Variants in ANXA4 observed in about 807,000 individuals in gnomAD.
ANXA4 encodes the protein annexin A4.
Under a neutral mutation model 49.8 loss-of-function variants are expected in ANXA4, and 39 were observed. That is an observed-to-expected ratio of 0.78 (90% CI 0.61 to 1.02). The LOEUF (loss-of-function observed/expected upper bound fraction) is 1.02, where lower values mean the gene tolerates loss of function less well. Ranked by LOEUF, ANXA4 falls within the 50% of genes least tolerant of loss-of-function variation. The probability of loss-of-function intolerance (pLI) is 0.00; values close to 1 mark genes in which losing one functional copy is unlikely to be tolerated. For synonymous variants in ANXA4, 134 were observed against 152.5 expected (o/e 0.88, Z 0.89); for missense variants, 360 against 410.1 (o/e 0.88, Z 1.05).
chr2:69,807,571 G>A (rs1282830223), intron 5 of ANXA4, among the ~76,000 whole-genome samples: 1 of 152,170 alleles, frequency 6.6e-6, no homozygotes, highest in Non-Finnish European at 1.5e-5. Context: ...AAGCAAAGAG[G>A]TGACAAAGTC....
chr2:69,649,660 G>A (rs1474539795), intron 1 of ANXA4, among the ~76,000 whole-genome samples: 1 of 139,758 alleles, frequency 7.2e-6, no homozygotes, highest in Admixed American at 7.4e-5. Flanking sequence ...CGCCCAGGCT[G>A]GAGTGCAGTG....
intron 2 of ANXA4, among the ~76,000 whole-genome samples, chr2:69,663,430 A>G (rs1218079423): frequency 6.6e-6 from 1 of 151,154 alleles, no homozygotes; most frequent in Non-Finnish European, 1.5e-5. Context: ...TAACAGAGAA[A>G]ATGAAATGAG....
intron 1 of ANXA4, among the ~76,000 whole-genome samples, chr2:69,766,875 A>C (rs916085114): frequency 6.6e-6 from 1 of 152,104 alleles, no homozygotes; most frequent in East Asian, 1.9e-4. Context: ...GATGCGCTCT[A>C]AAGTCTTTTC....
At chr2:69,781,345 A>C (rs757786360) in intron 1 of ANXA4, 175 bp from the exon 2 acceptor site, 23 of 603,176 alleles carry the variant, frequency 3.8e-5, no homozygotes, top group Non-Finnish European at 6.5e-5. Flanking sequence ...TTTTTTTAAC[A>C]GTTTCTCTAA....
In ANXA4 at chr2:69,691,555, TCACA is replaced by T. The variant is rs879583444; in HGVS notation, n.767-29206_767-29203del. On this transcript the variant is annotated intron_variant and non_coding_transcript_variant, in intron 2 of 3. Transcript: ENST00000418066. ...AAAAATATGAGAACCGTCAGTGATTTCACACACACACACACATGCACACACACAC... is the reference window on the plus strand; with the variant it reads ...AAAAATATGAGAACCGTCAGTGATTTCACACACACACATGCACACACACAC... 1.8e-3 allele frequency among the ~76,000 whole-genome samples: 204 copies of T among 115,592 alleles called. 2 individuals carry two copies. The highest frequency in any genetic ancestry group is 5.1e-4 in the Non-Finnish European group (29 of 56,748). 75.8% of individuals were successfully genotyped at this position (115,592 alleles called of 152,430 possible).
chr2:69,795,311 G>A (rs1672897728), intron 3 of ANXA4, among the ~76,000 whole-genome samples: 1 of 152,078 alleles, frequency 6.6e-6, no homozygotes, highest in African/African-American at 2.4e-5. Context: ...AGGCAAACAG[G>A]TATTGAGAGT....
intron 1 of ANXA4, among the ~76,000 whole-genome samples, chr2:69,758,005 C>T (rs974361729): frequency 3.3e-5 from 5 of 151,402 alleles, no homozygotes; most frequent in Admixed American, 2.0e-4. Flanking sequence ...TACTCCCCAC[C>T]TGCAGTACAG....
chr2:69,820,341 T>G (rs1253157322), intron 11 of ANXA4, among the ~76,000 whole-genome samples: 2 of 151,688 alleles, frequency 1.3e-5, no homozygotes, highest in African/African-American at 4.8e-5. Context: ...AAGTTTTACA[T>G]CAGAGGATTT....
intron 1 of ANXA4, among the ~76,000 whole-genome samples, chr2:69,751,245 G>T (rs1394432601): frequency 1.3e-5 from 2 of 152,094 alleles, no homozygotes; most frequent in Non-Finnish European, 2.9e-5. Flanking sequence ...GGGGAATCAG[G>T]CCAGCCGCAG....
At chr2:69,656,341 ATATG>A (rs1676476120) in intron 2 of ANXA4, among the ~76,000 whole-genome samples, 2 of 100,690 alleles carry the variant, frequency 2.0e-5, no homozygotes, top group East Asian at 5.0e-4. Flanking sequence ...ATGTGTATAT[ATATG>A]TGTATATATG....
intron 2 of ANXA4, among the ~76,000 whole-genome samples, chr2:69,694,921 C>T (rs1216155956): frequency 6.6e-6 from 1 of 152,104 alleles, no homozygotes; most frequent in Non-Finnish European, 1.5e-5. Context: ...CCACCATGCC[C>T]AGGCTGTTAT....
chr2:69,720,194 A>C (rs1669781294), intron 2 of ANXA4, among the ~76,000 whole-genome samples: 1 of 152,122 alleles, frequency 6.6e-6, no homozygotes, highest in African/African-American at 2.4e-5. Context: ...AGGGCTGGGG[A>C]GAGGGAAACA....
At chr2:69,746,938 C>T (rs1454729267) in intron 1 of ANXA4, among the ~76,000 whole-genome samples, 2 of 152,018 alleles carry the variant, frequency 1.3e-5, no homozygotes, top group Non-Finnish European at 2.9e-5. Context: ...GCAAAGGTTG[C>T]AGTGAGCCAA....
intron 1 of ANXA4, among the ~76,000 whole-genome samples, chr2:69,648,562 G>C (rs921087976): frequency 8.5e-5 from 13 of 152,284 alleles, no homozygotes; most frequent in Admixed American, 3.3e-4. Context: ...GCTGGCTCAT[G>C]CCCGTAATCC....
intron 2 of ANXA4, among the ~76,000 whole-genome samples, chr2:69,716,951 G>A (rs1669656163): frequency 6.6e-6 from 1 of 152,214 alleles, no homozygotes; most frequent in African/African-American, 2.4e-5. Context: ...CTGTGTGGAG[G>A]AGAACACCGT....
At chr2:69,759,356 G>C (rs1419106640) in intron 1 of ANXA4, among the ~76,000 whole-genome samples, 1 of 152,134 alleles carries the variant, frequency 6.6e-6, no homozygotes, top group East Asian at 1.9e-4. Flanking sequence ...TAAACAGAAA[G>C]TAGATGGTAA....
chr2:69,762,372 T>G, intron 1 of ANXA4, among the ~76,000 whole-genome samples: 1 of 147,540 alleles, frequency 6.8e-6, no homozygotes. Flanking sequence ...GGTGACAGAG[T>G]GAGACCCCGT....
intron 2 of ANXA4, among the ~76,000 whole-genome samples, chr2:69,687,989 T>A (rs537400857): frequency 6.6e-6 from 1 of 152,372 alleles, no homozygotes; most frequent in African/African-American, 2.4e-5. Flanking sequence ...GAAATTAATA[T>A]TGATTCTCTA....
rs182039263 is a variant in ANXA4, at chr2:69,669,560, G to A, written n.766+16278G>A. On this transcript the variant is annotated intron_variant and non_coding_transcript_variant, in intron 2 of 3. Coordinates refer to the ANXA4 transcript ENST00000418066. ...CAGGCGGCAGAGGTTGCAATGAGCC[G>A]AGATCGCGCCACTGCACTCTAGCCT... Among the ~76,000 whole-genome samples the A allele has an allele frequency of 6.4e-3, 964 of 151,530 alleles. 22 individuals carry two copies. Among genetic ancestry groups the A allele is most frequent in the East Asian group, 0.011 (57 of 5,092 alleles).
Sources: gnomAD v4.1 joint callset for allele counts (sites outside exome capture counted in the v4.1 genomes callset) on GRCh38, gnomAD v4.1.1 for gene constraint, MANE v1.5 for transcripts, NCBI Gene and HGNC (gene_info 2026-07-23, HGNC 2026-07-21) for gene names.